ARHGAP31: variants seen among roughly 807,000 people sequenced by gnomAD.
ARHGAP31 encodes the protein rho GTPase-activating protein 31.
ARHGAP31 carries 34 observed loss-of-function variants against 113.9 expected under a neutral mutation model. That is an observed-to-expected ratio of 0.30 (90% CI 0.23 to 0.40). The LOEUF is 0.40. Among genes scored for constraint, ARHGAP31 ranks in the 10% least tolerant of loss-of-function variants. The pLI, the probability that ARHGAP31 is intolerant of heterozygous loss-of-function variation, is 1.00. For synonymous variants in ARHGAP31, 650 were observed against 684.8 expected, an observed-to-expected ratio of 0.95 and a Z score of 0.79; for missense variants, 1,548 against 1,767.1, an observed-to-expected ratio of 0.88 and a Z score of 2.22.
At chr3:119,339,445 A>G (rs1229709855) in intron 1 of ARHGAP31, among the ~76,000 whole-genome samples, 1 of 152,206 alleles carries the variant, frequency 6.6e-6, no homozygotes, top group Non-Finnish European at 1.5e-5. Flanking sequence ...TAAAATAGCT[A>G]GAACAGTCTT....
intron 1 of ARHGAP31, among the ~76,000 whole-genome samples, chr3:119,306,586 A>C (rs549105523): frequency 2.6e-5 from 4 of 152,310 alleles, no homozygotes; most frequent in Non-Finnish European, 4.4e-5. Context: ...GGGTATTTGC[A>C]TAGGTTGTGT....
At position 119,300,219 on chromosome 3, in the gene ARHGAP31, T is replaced by C. The variant is rs1229624885; in HGVS notation, c.100+5215T>C. Among the ~76,000 whole-genome samples, 3 of 152,218 alleles carry C rather than the reference T, an allele frequency of 2.0e-5. No homozygotes were observed. The East Asian group carries it at 5.8e-4, about 29-fold the overall frequency. The stretch of plus-strand genomic sequence containing the variant: ...ATTGATACGAAAATAAATGAGTTAA[T>C]ATGGGTAAAGCACTTAACAGAGGGC... On this transcript the variant is annotated intron_variant, in intron 1 of 11. Coordinates refer to ENST00000264245, the MANE Select transcript of ARHGAP31 (RefSeq NM_020754.4).
At chr3:119,384,093 G>A (rs1457563695) in intron 6 of ARHGAP31, among the ~76,000 whole-genome samples, 1 of 152,112 alleles carries the variant, frequency 6.6e-6, no homozygotes, top group African/African-American at 2.4e-5. Context: ...AACCATATCT[G>A]CAATATATTT....
chr3:119,354,256 C>T (rs967983764), intron 1 of ARHGAP31, among the ~76,000 whole-genome samples: 2 of 152,212 alleles, frequency 1.3e-5, no homozygotes, highest in African/African-American at 4.8e-5. Flanking sequence ...CTTCAGCAAA[C>T]ATTTAGAACT....
intron 1 of ARHGAP31, among the ~76,000 whole-genome samples, chr3:119,321,680 G>T (rs112962265): frequency 1.1e-4 from 17 of 152,076 alleles, no homozygotes; most frequent in African/African-American, 4.1e-4. Context: ...ACGGAGACTC[G>T]CTCTGTTGCC....
At chr3:119,366,073 G>T (rs75194116) in intron 2 of ARHGAP31, among the ~76,000 whole-genome samples, 1 of 151,898 alleles carries the variant, frequency 6.6e-6, no homozygotes, top group Non-Finnish European at 1.5e-5. Context: ...ACACAGGTAC[G>T]TGTGTGTTTT....
chr3:119,420,527 T>C lies in ARHGAP31; in HGVS notation c.*4263T>C, dbSNP rs1416994568. 6.7e-6 allele frequency: 1 copy of C among 149,246 alleles called. No individual in the cohort carries two copies. The highest frequency in any genetic ancestry group is 1.5e-5 in the Non-Finnish European group (1 of 66,962). The allele number at this position is 149,246 out of a possible 1,614,324, so 9.2% of individuals were successfully genotyped here. On this transcript the variant is annotated 3_prime_UTR_variant, in exon 12 of 12. Transcript: ENST00000264245. ...GGCTACTGTGTAGATCATTTAGTAATCTTGAGGTACATTAATAATGCAGAG... is the reference window on the plus strand; with the variant it reads ...GGCTACTGTGTAGATCATTTAGTAACCTTGAGGTACATTAATAATGCAGAG...
Position 119,416,157 on chromosome 3 carries a change from A to G in ARHGAP31, c.4228A>G (p.Thr1410Ala), listed in dbSNP as rs752678121. 6.2e-7 allele frequency: 1 copy of G among 1,614,160 alleles called. No individual in the cohort carries two copies. The part of the protein sequence containing the change: ...PEGVTLRNKM[T>A]IPKNGQRLET... ...AGGGGTTACACTTAGGAATAAAATG[A>G]CCATCCCTAAGAATGGCCAGAGACT... is the stretch of plus-strand genomic sequence containing the variant. Residue 1410 changes from threonine (T) to alanine (A), a missense_variant, in exon 12 of 12, where the codon ACC (threonine) becomes GCC (alanine). Physicochemically the swap from Thr to Ala is moderately conservative, Grantham distance 58. Coordinates refer to ENST00000264245, the MANE Select transcript of ARHGAP31 (RefSeq NM_020754.4).
At chr3:119,355,444 G>A (rs2080146425) in intron 1 of ARHGAP31, among the ~76,000 whole-genome samples, 1 of 151,196 alleles carries the variant, frequency 6.6e-6, no homozygotes, top group Non-Finnish European at 1.5e-5. Context: ...TCCTGTTCAG[G>A]AAAACATTTT....
At chr3:119,400,109 A>C (rs2080587264) in intron 9 of ARHGAP31, among the ~76,000 whole-genome samples, 1 of 152,238 alleles carries the variant, frequency 6.6e-6, no homozygotes, top group Non-Finnish European at 1.5e-5. Context: ...AACAATACAG[A>C]AAATCTTTAG....
chr3:119,376,893 CCT>C (rs1344403552), intron 3 of ARHGAP31, among the ~76,000 whole-genome samples: 1 of 152,164 alleles, frequency 6.6e-6, no homozygotes, highest in Non-Finnish European at 1.5e-5. Flanking sequence ...AGGGACTCTC[CCT>C]GTTTCAACAC....
intron 4 of ARHGAP31, among the ~76,000 whole-genome samples, chr3:119,381,753 C>T (rs1256486603): frequency 6.6e-6 from 1 of 152,030 alleles, no homozygotes; most frequent in Non-Finnish European, 1.5e-5. Flanking sequence ...TTTGGGAGGC[C>T]CAGGCGGGCG....
chr3:119,406,645 A>G (rs907314814), intron 10 of ARHGAP31, among the ~76,000 whole-genome samples: 2 of 152,212 alleles, frequency 1.3e-5, no homozygotes, highest in South Asian at 4.1e-4. Flanking sequence ...AAAGGCACCT[A>G]TCTCAGATGT....
At chr3:119,314,441 T>A (rs1377170742) in intron 1 of ARHGAP31, 1 of 152,280 alleles carries the variant, frequency 6.6e-6, no homozygotes, top group Admixed American at 6.5e-5. Context: ...TCTGTGAGAC[T>A]CAGGAACTGT....
intron 1 of ARHGAP31, among the ~76,000 whole-genome samples, chr3:119,328,915 T>G (rs931529691): frequency 6.6e-6 from 1 of 152,184 alleles, no homozygotes; most frequent in Non-Finnish European, 1.5e-5. Flanking sequence ...CTTTCCAGGA[T>G]TGTTGAGGAG....
At position 119,331,744 on chromosome 3, in the gene ARHGAP31, AC is replaced by A. The variant is rs1422991019; in HGVS notation, c.101-33571del. On this transcript the variant is annotated intron_variant, in intron 1 of 11. Transcript: ENST00000264245. ...TAAAATATGATTTAACAAGGACAAAACAATTTTAGCAGGATTATGAAAATCA... is the reference window on the plus strand; with the variant it reads ...TAAAATATGATTTAACAAGGACAAAAAATTTTAGCAGGATTATGAAAATCA... 3.9e-5 allele frequency among the ~76,000 whole-genome samples: 6 copies of A among 152,326 alleles called. No individual in the cohort carries two copies. The East Asian group carries it at 1.2e-3, about 29-fold the overall frequency.
Position 119,416,497 on chromosome 3 carries a change from G to T in ARHGAP31, c.*233G>T, listed in dbSNP as rs1009578844. The stretch of plus-strand genomic sequence containing the variant: ...AGTCTATGTGAGCAAGTGAGAGAAG[G>T]TTAGGTAAGGGGAGAGGATGGAATG... On this transcript the variant is annotated 3_prime_UTR_variant, in exon 12 of 12. Transcript: ENST00000264245. The T allele has an allele frequency of 1.9e-5, 11 of 579,978 alleles. No individual in the cohort carries two copies. The highest frequency in any genetic ancestry group is 3.3e-5 in the Non-Finnish European group (11 of 330,424). 35.9% of individuals were successfully genotyped at this position (579,978 alleles called of 1,614,324 possible).
intron 1 of ARHGAP31, among the ~76,000 whole-genome samples, chr3:119,345,546 C>G (rs1434099468): frequency 6.6e-6 from 1 of 152,104 alleles, no homozygotes; most frequent in African/African-American, 2.4e-5. Context: ...GCACTTCCTC[C>G]CATTGGATGC....
intron 1 of ARHGAP31, among the ~76,000 whole-genome samples, chr3:119,302,184 C>A (rs1001438373): frequency 2.0e-5 from 3 of 152,230 alleles, no homozygotes; most frequent in Admixed American, 2.0e-4. Flanking sequence ...TGCTATTTCT[C>A]CCCCAAGGGG....
Sources: gnomAD v4.1 joint callset for allele counts (sites outside exome capture counted in the v4.1 genomes callset) on GRCh38, gnomAD v4.1.1 for gene constraint, MANE v1.5 for transcripts, NCBI Gene and HGNC (gene_info 2026-07-23, HGNC 2026-07-21) for gene names.